FOXN3: variants seen among roughly 807,000 people sequenced by gnomAD.
FOXN3 encodes forkhead box protein N3.
Under a neutral mutation model 38.4 loss-of-function variants are expected in FOXN3, and 7 were observed. The observed-to-expected ratio is 0.18, with a 90% CI of 0.10 to 0.34. FOXN3 has a LOEUF of 0.34. Ranked by LOEUF, FOXN3 falls within the 10% of genes least tolerant of loss-of-function variation. The pLI is 1.00. For synonymous variants in FOXN3, 230 were observed against 242.2 expected, an observed-to-expected ratio of 0.95 and a Z score of 0.47; for missense variants, 456 against 613.4, an observed-to-expected ratio of 0.74 and a Z score of 2.71.
intron 4 of FOXN3, among the ~76,000 whole-genome samples, chr14:89,200,714 A>C (rs17125517): frequency 6.6e-6 from 1 of 152,314 alleles, no homozygotes; most frequent in East Asian, 1.9e-4. Context: ...TTGCCGTCAC[A>C]TTCCCGAATC....
At chr14:89,226,049 A>G (rs550065854) in intron 4 of FOXN3, among the ~76,000 whole-genome samples, 1 of 147,026 alleles carries the variant, frequency 6.8e-6, no homozygotes, top group Non-Finnish European at 1.5e-5. Context: ...TATTTCTAAA[A>G]TTAAGTCCAA....
chr14:89,292,145 T>A (rs1886894146), intron 3 of FOXN3, among the ~76,000 whole-genome samples: 1 of 152,182 alleles, frequency 6.6e-6, no homozygotes, highest in East Asian at 1.9e-4. Flanking sequence ...TGCGCGTGCA[T>A]CTTCTTACTT....
At chr14:89,465,005 C>G (rs1892944775) in intron 1 of FOXN3, among the ~76,000 whole-genome samples, 1 of 152,022 alleles carries the variant, frequency 6.6e-6, no homozygotes, top group African/African-American at 2.4e-5. Flanking sequence ...TTCCATGCTG[C>G]TTTTCTCGTG....
intron 4 of FOXN3, among the ~76,000 whole-genome samples, chr14:89,196,599 C>T (rs1311893876): frequency 6.6e-6 from 1 of 152,144 alleles, no homozygotes; most frequent in Non-Finnish European, 1.5e-5. Flanking sequence ...GAACACCTAC[C>T]AAATGGGGCA....
intron 1 of FOXN3, among the ~76,000 whole-genome samples, chr14:89,453,795 C>A (rs1485214063): frequency 6.6e-6 from 1 of 152,106 alleles, no homozygotes; most frequent in Non-Finnish European, 1.5e-5. Context: ...TTAAAATGCA[C>A]ATCAGCTTTC....
At chr14:89,304,875 AAACATAT>A (rs146103285) in intron 3 of FOXN3, among the ~76,000 whole-genome samples, 133 of 152,082 alleles carry the variant, frequency 8.7e-4, no homozygotes, top group African/African-American at 3.1e-3. Flanking sequence ...CGTCCTTTAA[AAACATAT>A]ACCCAGAGGA....
chr14:89,514,020 C>T (rs1169757353), intron 1 of FOXN3, among the ~76,000 whole-genome samples: 1 of 152,136 alleles, frequency 6.6e-6, no homozygotes, highest in Non-Finnish European at 1.5e-5. Context: ...AGAGACATCG[C>T]TGTCTTTGTT....
At chr14:89,457,144 T>C (rs1451592755) in intron 1 of FOXN3, among the ~76,000 whole-genome samples, 4 of 152,202 alleles carry the variant, frequency 2.6e-5, no homozygotes, top group Non-Finnish European at 4.4e-5. Context: ...AACATGGCGA[T>C]AGCCTCTTTA....
At chr14:89,205,585 G>A (rs111740843) in intron 4 of FOXN3, among the ~76,000 whole-genome samples, 2,221 of 152,328 alleles carry the variant, frequency 0.015, 55 homozygotes, top group African/African-American at 0.05. Flanking sequence ...CATCGACGGC[G>A]GGACGACGCG....
chr14:89,508,072 G>A (rs1414556414), intron 1 of FOXN3, among the ~76,000 whole-genome samples: 5 of 152,186 alleles, frequency 3.3e-5, no homozygotes, highest in East Asian at 1.9e-4. Context: ...AGGGTGGGCC[G>A]ACTATATGAT....
At chr14:89,464,412 G>T (rs1013731815) in intron 1 of FOXN3, among the ~76,000 whole-genome samples, 2 of 152,172 alleles carry the variant, frequency 1.3e-5, no homozygotes, top group African/African-American at 4.8e-5. Context: ...ATAGACACAT[G>T]ACCATGGTAT....
At chr14:89,523,259 T>G (rs914977078) in intron 1 of FOXN3, among the ~76,000 whole-genome samples, 1 of 152,240 alleles carries the variant, frequency 6.6e-6, no homozygotes, top group South Asian at 2.1e-4. Flanking sequence ...AATCGATAAT[T>G]ATAGACTGAG....
At chr14:89,394,561 T>C (rs1392464028) in intron 2 of FOXN3, among the ~76,000 whole-genome samples, 1 of 152,182 alleles carries the variant, frequency 6.6e-6, no homozygotes, top group Non-Finnish European at 1.5e-5. Context: ...AGCAGGAGTT[T>C]AGTAAAGCTT....
chr14:89,451,144 GAAGA>G (rs144421065), intron 1 of FOXN3, among the ~76,000 whole-genome samples: 3,076 of 152,224 alleles, frequency 0.02, 93 homozygotes, highest in African/African-American at 0.07. Context: ...GACAGGAAAG[GAAGA>G]AAGAAAAGCC....
At chr14:89,339,601 G>A (rs1888559027) in intron 3 of FOXN3, among the ~76,000 whole-genome samples, 1 of 152,242 alleles carries the variant, frequency 6.6e-6, no homozygotes, top group South Asian at 2.1e-4. Context: ...GCCCAGGACA[G>A]AGTTTCTGAC....
chr14:89,186,099 C>T (rs1055951506), intron 4 of FOXN3, among the ~76,000 whole-genome samples: 1 of 152,208 alleles, frequency 6.6e-6, no homozygotes, highest in East Asian at 1.9e-4. Flanking sequence ...CTCTCAGAGG[C>T]CATAAGCTGA....
At chr14:89,369,660 G>A (rs1053323301) in intron 2 of FOXN3, among the ~76,000 whole-genome samples, 3 of 152,036 alleles carry the variant, frequency 2.0e-5, no homozygotes, top group African/African-American at 4.8e-5. Context: ...GAGAACAAGA[G>A]AGAATGAGAG....
chr14:89,306,518 C>G (rs891383367), intron 3 of FOXN3, among the ~76,000 whole-genome samples: 1 of 152,188 alleles, frequency 6.6e-6, no homozygotes, highest in Admixed American at 6.5e-5. Context: ...AGGCGCCCAC[C>G]ACCACGCCCG....
intron 4 of FOXN3, among the ~76,000 whole-genome samples, chr14:89,232,624 A>T (rs1010588185): frequency 2.3e-4 from 35 of 152,198 alleles, no homozygotes; most frequent in Non-Finnish European, 7.3e-5. Flanking sequence ...GGTTTAACTA[A>T]TCCCACTTAC....
Sources: gnomAD v4.1 joint callset for allele counts (sites outside exome capture counted in the v4.1 genomes callset) on GRCh38, gnomAD v4.1.1 for gene constraint, MANE v1.5 for transcripts, NCBI Gene and HGNC (gene_info 2026-07-23, HGNC 2026-07-21) for gene names.